Variants in ELMO1 observed in about 807,000 individuals in gnomAD.
ELMO1 encodes the protein engulfment and cell motility protein 1.
In ELMO1, 26 loss-of-function variants were observed where a neutral mutation model predicts 98.9. The ratio of observed to expected loss-of-function variants is 0.26; its 90% CI spans 0.19 to 0.36. The LOEUF is 0.36. ELMO1 is among the 10% of genes least tolerant of loss of function. The probability of loss-of-function intolerance (pLI) is 1.00; values close to 1 mark genes in which losing one functional copy is unlikely to be tolerated. For missense variants in ELMO1, 627 were observed against 935.2 expected, an observed-to-expected ratio of 0.67 and a Z score of 4.30; for synonymous variants, 346 against 346.0, an observed-to-expected ratio of 1.00 and a Z score of 0.00.
intron 16 of ELMO1, among the ~76,000 whole-genome samples, chr7:36,948,087 G>A (rs1027671395): frequency 2.0e-5 from 3 of 152,194 alleles, no homozygotes; most frequent in African/African-American, 7.2e-5. Context: ...CTCAATAAGT[G>A]TAGTTTGAAT....
intron 15 of ELMO1, among the ~76,000 whole-genome samples, chr7:37,057,405 G>A (rs532630207): frequency 1.3e-5 from 2 of 152,330 alleles, no homozygotes; most frequent in African/African-American, 2.4e-5. Flanking sequence ...TGGGGTAGAT[G>A]TGTCCTACCA....
intron 14 of ELMO1, among the ~76,000 whole-genome samples, chr7:37,119,900 G>T (rs1360866760): frequency 6.6e-6 from 1 of 152,080 alleles, no homozygotes; most frequent in Non-Finnish European, 1.5e-5. Context: ...AAATTATGAG[G>T]GACGCTGAAG....
chr7:37,345,315 G>A (rs1237035553), intron 1 of ELMO1, among the ~76,000 whole-genome samples: 4 of 152,138 alleles, frequency 2.6e-5, no homozygotes, highest in Non-Finnish European at 4.4e-5. Flanking sequence ...ATCAAGCAGC[G>A]AAGGAAACTG....
chr7:36,879,800 T>C (rs1353594057), intron 18 of ELMO1, among the ~76,000 whole-genome samples: 1 of 152,248 alleles, frequency 6.6e-6, no homozygotes, highest in Non-Finnish European at 1.5e-5. Context: ...AATTTCAAAA[T>C]TATGCTATGT....
At chr7:37,397,792 C>G (rs1454747591) in intron 1 of ELMO1, among the ~76,000 whole-genome samples, 2 of 152,188 alleles carry the variant, frequency 1.3e-5, no homozygotes, top group African/African-American at 4.8e-5. Context: ...AAATGTAGTA[C>G]ATATACACCA....
At chr7:36,872,180 C>T (rs1274254093) in intron 19 of ELMO1, among the ~76,000 whole-genome samples, 1 of 152,114 alleles carries the variant, frequency 6.6e-6, no homozygotes, top group Non-Finnish European at 1.5e-5. Flanking sequence ...TTCTGTCTTC[C>T]CCTGCTGCAG....
At chr7:36,905,911 G>C (rs190884819) in intron 16 of ELMO1, among the ~76,000 whole-genome samples, 2 of 152,344 alleles carry the variant, frequency 1.3e-5, no homozygotes, top group East Asian at 3.9e-4. Flanking sequence ...CTCATATCAA[G>C]GGTAGAACCC....
intron 14 of ELMO1, among the ~76,000 whole-genome samples, chr7:37,100,811 C>T (rs1475892008): frequency 1.3e-5 from 2 of 152,252 alleles, no homozygotes; most frequent in Admixed American, 6.5e-5. Flanking sequence ...AGAGAGGGGA[C>T]ACAAAGCAGC....
Position 37,333,344 on chromosome 7 carries a change from A to C in ELMO1, c.78+9269T>G, listed in dbSNP as rs144949838. Among the ~76,000 whole-genome samples the C allele has an allele frequency of 1.8e-4, 27 of 152,358 alleles. No homozygotes were observed. In the East Asian group the frequency reaches 5.2e-3, roughly 29 times the overall value. On this transcript the variant is annotated intron_variant, in intron 2 of 21. Transcript: ENST00000310758. ...AGGTTCTAGAAATGTCAGAGGTCTT[A>C]GTCATCAAGTCTTAAGAAAACATAG...
intron 13 of ELMO1, among the ~76,000 whole-genome samples, chr7:37,169,841 T>C (rs1790029496): frequency 6.6e-6 from 1 of 152,156 alleles, no homozygotes; most frequent in Admixed American, 6.5e-5. Context: ...ACAATTCTCA[T>C]CTGAAACACT....
In ELMO1 at chr7:36,854,757, A is replaced by G. The variant is rs1479130227; in HGVS notation, c.*794T>C. The stretch of plus-strand genomic sequence containing the variant: ...TATTAGAGATGGAGCGAGACTACTG[A>G]TTTCACCATTTGTGCTTTCAGCTAA... On this transcript the variant is annotated 3_prime_UTR_variant, in exon 22 of 22. Transcript: ENST00000310758. The G allele has an allele frequency of 6.5e-6, 1 of 153,094 alleles. No individual in the cohort carries two copies. Among genetic ancestry groups the G allele is most frequent in the Admixed American group, 6.5e-5 (1 of 15,300 alleles). The allele number at this position is 153,094 out of a possible 1,614,324, so 9.5% of individuals were successfully genotyped here.
chr7:37,410,997 A>G (rs1803973410), intron 1 of ELMO1, among the ~76,000 whole-genome samples: 1 of 152,230 alleles, frequency 6.6e-6, no homozygotes, highest in Admixed American at 6.5e-5. Context: ...CTGCTAAGTA[A>G]GAGTTTGGCT....
chr7:37,032,452 G>A (rs1285333674), intron 15 of ELMO1, among the ~76,000 whole-genome samples: 1 of 152,170 alleles, frequency 6.6e-6, no homozygotes, highest in Non-Finnish European at 1.5e-5. Flanking sequence ...CCTGCCAGTT[G>A]ATGGAAAGGA....
intron 17 of ELMO1, among the ~76,000 whole-genome samples, chr7:36,890,342 GA>G (rs1469954459): frequency 2.0e-5 from 3 of 152,228 alleles, no homozygotes. Flanking sequence ...AGCACCATCA[GA>G]CTGGTGAGAT....
intron 16 of ELMO1, among the ~76,000 whole-genome samples, chr7:36,929,781 C>A (rs937738127): frequency 4.6e-5 from 7 of 152,212 alleles, no homozygotes; most frequent in Non-Finnish European, 1.0e-4. Context: ...ATTGTACTGG[C>A]TTTCAAATGC....
In ELMO1 at chr7:36,952,791, G is replaced by GA. The variant is rs1026167299; in HGVS notation, c.1438-57775dup. ...TACTGGTGTGTGAATAGCTGGGAAG[G>GA]AAAAAAAAATACACAGAGAGCAGAG... On this transcript the variant is annotated intron_variant, in intron 16 of 21. Transcript: ENST00000310758. 8.0e-5 allele frequency among the ~76,000 whole-genome samples: 12 copies of GA among 150,114 alleles called. No individual in the cohort carries two copies. In the South Asian group the frequency reaches 1.1e-3, roughly 13 times the overall value.
At position 36,855,049 on chromosome 7, in the gene ELMO1, C is replaced by G. The variant is rs17390345; in HGVS notation, c.*502G>C. ...GGAGATTTGAGCGCAGATCTTAATT[C>G]AAGTGTAACTGGTGGTGCGAGATGA... is the stretch of plus-strand genomic sequence containing the variant. On this transcript the variant is annotated 3_prime_UTR_variant, in exon 22 of 22. Transcript: ENST00000310758. The surrounding 1 kb of genome is among the most constrained non-coding windows in gnomAD (Gnocchi z 4.2). The G allele has an allele frequency of 0.02, 3,363 of 169,558 alleles. 48 individuals carry two copies. The highest frequency in any genetic ancestry group is 0.031 in the Non-Finnish European group (2,425 of 77,448). The allele number at this position is 169,558 out of a possible 1,614,324, so 10.5% of individuals were successfully genotyped here.
rs187460079 is a variant in ELMO1, at chr7:37,367,815, T to C, written c.-73-25052A>G. Among the ~76,000 whole-genome samples, 51 of 152,320 alleles carry C rather than the reference T, an allele frequency of 3.3e-4. 2 individuals carry two copies. The highest frequency in any genetic ancestry group is 1.1e-3 in the African/African-American group (47 of 41,566). On this transcript the variant is annotated intron_variant, in intron 1 of 21. Coordinates refer to ENST00000310758, the MANE Select transcript of ELMO1 (RefSeq NM_014800.11). ...AGGTAATTTGCATGAAATTATTTTA[T>C]AGCATATAAAGCAATCAGAAAATAA...
intron 16 of ELMO1, among the ~76,000 whole-genome samples, chr7:36,922,371 A>T (rs1161181693): frequency 6.8e-6 from 1 of 147,104 alleles, no homozygotes; most frequent in Non-Finnish European, 1.5e-5. Context: ...AAAAAAAACC[A>T]ACAGATAATT....
Sources: gnomAD v4.1 joint callset for allele counts (sites outside exome capture counted in the v4.1 genomes callset) on GRCh38, gnomAD v4.1.1 for gene constraint, Gnocchi (gnomAD v3.1) non-coding constraint, MANE v1.5 for transcripts, NCBI Gene and HGNC (gene_info 2026-07-23, HGNC 2026-07-21) for gene names.